NPL: variants seen among roughly 807,000 people sequenced by gnomAD.
NPL encodes N-acetylneuraminate pyruvate lyase, also known as N-acetylneuraminate lyase.
Under a neutral mutation model 41.1 loss-of-function variants are expected in NPL, and 32 were observed. The ratio of observed to expected loss-of-function variants is 0.78; its 90% CI spans 0.59 to 1.05. The LOEUF (loss-of-function observed/expected upper bound fraction) is 1.05. Ranked by LOEUF, NPL falls within the 50% of genes least tolerant of loss-of-function variation. The pLI is 0.00. For synonymous variants in NPL, 128 were observed against 134.9 expected, an observed-to-expected ratio of 0.95 and a Z score of 0.35; for missense variants, 321 against 378.4, an observed-to-expected ratio of 0.85 and a Z score of 1.26.
intron 3 of NPL, among the ~76,000 whole-genome samples, chr1:182,795,297 A>T (rs1054735413): frequency 1.3e-5 from 2 of 152,240 alleles, no homozygotes; most frequent in African/African-American, 4.8e-5. Flanking sequence ...AATAATAATC[A>T]TACCTACATA....
chr1:182,805,054 G>C (rs1043881810), intron 4 of NPL, among the ~76,000 whole-genome samples: 1 of 152,192 alleles, frequency 6.6e-6, no homozygotes, highest in Non-Finnish European at 1.5e-5. Context: ...TGAGTGCTTA[G>C]AGATTCAGAG....
intron 3 of NPL, among the ~76,000 whole-genome samples, chr1:182,800,764 C>T (rs926698208): frequency 2.2e-5 from 3 of 136,360 alleles, no homozygotes; most frequent in Admixed American, 1.6e-4. Flanking sequence ...GAGTCTCGCT[C>T]TGTCACCCAG....
At chr1:182,797,034 CAA>C (rs59582125) in intron 3 of NPL, among the ~76,000 whole-genome samples, 4,064 of 95,940 alleles carry the variant, frequency 0.042, 104 homozygotes, top group Middle Eastern at 0.12. Flanking sequence ...GAATATGTCT[CAA>C]AAAAAAAAAA....
intron 4 of NPL, 133 bp from the exon 5 acceptor site, chr1:182,806,012 G>A: frequency 9.7e-7 from 1 of 1,033,724 alleles, no homozygotes. Flanking sequence ...AGTCTGAAGT[G>A]AAAATGGAAA....
intron 4 of NPL, among the ~76,000 whole-genome samples, chr1:182,804,467 C>T (rs763115892): frequency 1.3e-5 from 2 of 152,166 alleles, no homozygotes; most frequent in Non-Finnish European, 2.9e-5. Flanking sequence ...CTGTCTTCCC[C>T]TGGCCTTTCA....
At chr1:182,819,140 T>G (rs1404869915) in intron 10 of NPL, among the ~76,000 whole-genome samples, 1 of 151,610 alleles carries the variant, frequency 6.6e-6, no homozygotes, top group African/African-American at 2.4e-5. Context: ...GCCAACATGG[T>G]GAAACCCCAT....
intron 1 of NPL, among the ~76,000 whole-genome samples, chr1:182,790,982 A>G (rs941275194): frequency 5.3e-5 from 8 of 152,146 alleles, no homozygotes; most frequent in Non-Finnish European, 8.8e-5. Context: ...AGGCGTTTCA[A>G]AGTTTGCAAA....
At chr1:182,800,611 G>A (rs1230112212) in intron 3 of NPL, among the ~76,000 whole-genome samples, 1 of 151,932 alleles carries the variant, frequency 6.6e-6, no homozygotes, top group African/African-American at 2.4e-5. Flanking sequence ...ACTTGCACCT[G>A]CAGAGTCAGG....
chr1:182,822,961 T>C (rs1483543492), intron 11 of NPL, among the ~76,000 whole-genome samples: 1 of 152,172 alleles, frequency 6.6e-6, no homozygotes, highest in Non-Finnish European at 1.5e-5. Context: ...TGAATCCTCC[T>C]GGGCTCAAGC....
In NPL at chr1:182,829,291, TTTAA is replaced by T; in HGVS notation, c.*385_*388del. ...TTAAACCACTATAATATGTCTTCAT[TTTAA>T]TAAATATTCATTTGGAATCTAGGAA... On this transcript the variant is annotated 3_prime_UTR_variant, in exon 13 of 13. Coordinates refer to ENST00000367553, the MANE Select transcript of NPL (RefSeq NM_030769.3). 8.4e-7 allele frequency: 1 copy of T among 1,188,746 alleles called. No homozygotes were observed. The highest frequency in any genetic ancestry group is 1.0e-6 in the Non-Finnish European group (1 of 957,180). 73.6% of individuals were successfully genotyped at this position (1,188,746 alleles called of 1,614,324 possible).
intron 12 of NPL, chr1:182,826,292 T>C (rs1667628847): frequency 1.1e-5 from 2 of 175,726 alleles, no homozygotes; most frequent in African/African-American, 4.8e-5. Context: ...AAAGTAAAAT[T>C]GGGGAGCAGT....
chr1:182,829,101 C>G lies in NPL; in HGVS notation c.*193C>G. 7.1e-7 allele frequency: 1 copy of G among 1,411,308 alleles called. No homozygotes were observed. Among genetic ancestry groups the G allele is most frequent in the Non-Finnish European group, 9.2e-7 (1 of 1,088,468 alleles). The allele number at this position is 1,411,308 out of a possible 1,614,324, so 87.4% of individuals were successfully genotyped here. On this transcript the variant is annotated 3_prime_UTR_variant, in exon 13 of 13. Transcript: ENST00000367553. ...GAAGGGGCAAAAACTCTAGGAGTCA[C>G]AACTCTCAGTCATTCATTTCACAGA...
chr1:182,824,467 T>C (rs1219160453), intron 11 of NPL, among the ~76,000 whole-genome samples: 1 of 152,204 alleles, frequency 6.6e-6, no homozygotes, highest in African/African-American at 2.4e-5. Flanking sequence ...CTTTTAAATA[T>C]AAAATGTTAT....
At chr1:182,801,837 CA>C (rs1161140139) in intron 3 of NPL, among the ~76,000 whole-genome samples, 5 of 151,218 alleles carry the variant, frequency 3.3e-5, no homozygotes, top group Non-Finnish European at 7.4e-5. Context: ...ACCTTGTCTC[CA>C]AAAAAACAAA....
Position 182,816,750 on chromosome 1 carries a change from C to T in NPL, c.401C>T (p.Ala134Val). 6.2e-7 allele frequency: 1 copy of T among 1,612,744 alleles called. No individual in the cohort carries two copies. Among genetic ancestry groups the T allele is most frequent in the Non-Finnish European group, 8.5e-7 (1 of 1,179,622 alleles). ...AATTTCCTAAAGGAAGTGGCTGCTG[C>T]CGCCCCTGCCCTGCCATTTTATTAC... ...LINFLKEVAA[A>V]APALPFYYYH... The change falls in exon 8 of 13, where the codon GCC becomes GTC. Residue 134 changes from alanine to valine, a missense_variant. By Grantham distance (64) the Ala-to-Val change is moderately conservative (BLOSUM62 0). Coordinates refer to ENST00000367553, the MANE Select transcript of NPL (RefSeq NM_030769.3).
At chr1:182,821,970 C>T in intron 10 of NPL, 145 bp from the exon 11 acceptor site, 1 of 701,926 alleles carries the variant, frequency 1.4e-6, no homozygotes. Flanking sequence ...TGAAGACAGT[C>T]TTGTCCCCTA....
At chr1:182,802,409 T>G (rs1223939798) in intron 3 of NPL, among the ~76,000 whole-genome samples, 2 of 152,290 alleles carry the variant, frequency 1.3e-5, no homozygotes, top group Admixed American at 1.3e-4. Flanking sequence ...TTCCTCATTT[T>G]GTTCTTATGC....
In NPL at chr1:182,828,598, C is replaced by A; in HGVS notation, c.779-126C>A. On this transcript the variant is annotated intron_variant, in intron 12 of 12. Coordinates refer to ENST00000367553, the MANE Select transcript of NPL (RefSeq NM_030769.3). The surrounding 1 kb of genome is among the most constrained non-coding windows in gnomAD (Gnocchi z 4.0). ...ATCTGTCATATTGACTAGAAATGTTCCCATCTTTTGTTTTAATCTTACCCT... is the reference window on the plus strand; with the variant it reads ...ATCTGTCATATTGACTAGAAATGTTACCATCTTTTGTTTTAATCTTACCCT... 8.4e-7 allele frequency: 1 copy of A among 1,186,112 alleles called. No individual in the cohort carries two copies. The highest frequency in any genetic ancestry group is 1.2e-6 in the Non-Finnish European group (1 of 816,888). 73.5% of individuals were successfully genotyped at this position (1,186,112 alleles called of 1,614,324 possible).
rs532096492 is a variant in NPL at position 182,814,751 on chromosome 1, G to C, written c.289-32G>C. The C allele has an allele frequency of 2.2e-5, 34 of 1,577,342 alleles. No homozygotes were observed. In the East Asian group the frequency reaches 7.4e-4, roughly 34 times the overall value. ...TATAGGTGACTATAGTAAATCACTT[G>C]CTCCAATATGGTCTTCTTTCTTCCT... On this transcript the variant is annotated intron_variant, in intron 6 of 12. Transcript: ENST00000367553.
Sources: gnomAD v4.1 joint callset for allele counts (sites outside exome capture counted in the v4.1 genomes callset) on GRCh38, gnomAD v4.1.1 for gene constraint, Gnocchi (gnomAD v3.1) non-coding constraint, MANE v1.5 for transcripts, NCBI Gene and HGNC (gene_info 2026-07-23, HGNC 2026-07-21) for gene names.